The following ZNF618 variants were observed in gnomAD, a reference collection of about 807,000 sequenced individuals.
The protein encoded by ZNF618 is zinc finger protein 618, also known as neural precursor cell expressed, developmentally down-regulated 10.
A neutral mutation model predicts 103.0 loss-of-function variants in ZNF618; 34 were observed. The ratio of observed to expected loss-of-function variants is 0.33; its 90% CI spans 0.25 to 0.44. The LOEUF is 0.44. Ranked by LOEUF, ZNF618 falls within the 20% of genes least tolerant of loss-of-function variation. The pLI is 1.00. For missense variants in ZNF618, 1,059 were observed against 1,295.4 expected (o/e 0.82, Z 2.80); for synonymous variants, 551 against 542.2 (o/e 1.02, Z -0.23).
At chr9:113,938,839 G>A (rs1299473412) in intron 1 of ZNF618, among the ~76,000 whole-genome samples, 1 of 152,052 alleles carries the variant, frequency 6.6e-6, no homozygotes, top group Middle Eastern at 3.2e-3. Context: ...CGAAGTGCTG[G>A]GATTACAGGT....
chr9:114,004,311 CT>C (rs1841530371), intron 6 of ZNF618, among the ~76,000 whole-genome samples: 1 of 152,214 alleles, frequency 6.6e-6, no homozygotes, highest in African/African-American at 2.4e-5. Context: ...GAGCTGGGCC[CT>C]CCCCCTCCAG....
chr9:113,928,203 G>T (rs1833268523), intron 1 of ZNF618, among the ~76,000 whole-genome samples: 1 of 152,140 alleles, frequency 6.6e-6, no homozygotes, highest in Non-Finnish European at 1.5e-5. Flanking sequence ...CTACTGATGA[G>T]CTCATTAAAG....
Position 114,051,110 on chromosome 9 carries a change from T to C in ZNF618, c.*943T>C, listed in dbSNP as rs1212614244. 1 of 152,638 alleles carries C rather than the reference T, an allele frequency of 6.6e-6. No homozygotes were observed. The highest frequency in any genetic ancestry group is 1.5e-5 in the Non-Finnish European group (1 of 68,032). 9.5% of individuals were successfully genotyped at this position (152,638 alleles called of 1,614,324 possible). A position where few individuals can be genotyped will look rare whatever the true frequency, so the allele number is the denominator to read the frequency against. On this transcript the variant is annotated 3_prime_UTR_variant, in exon 15 of 15. Coordinates refer to ENST00000374126, the MANE Select transcript of ZNF618 (RefSeq NM_001318042.2). ...TTGTTTGGGGGTTCATTTTGTTTCT[T>C]CAGATTTGATTTAGACTCTGCTAGG...
At chr9:113,892,589 A>G (rs1829708942) in intron 1 of ZNF618, among the ~76,000 whole-genome samples, 1 of 152,246 alleles carries the variant, frequency 6.6e-6, no homozygotes, top group Admixed American at 6.5e-5. Flanking sequence ...TGCAAGAAAT[A>G]TTTATGTCTT....
chr9:113,989,917 C>T (rs1040708092), intron 3 of ZNF618, among the ~76,000 whole-genome samples: 5 of 152,232 alleles, frequency 3.3e-5, no homozygotes, highest in Non-Finnish European at 5.9e-5. Context: ...TTGGCCAAAA[C>T]AGAACACCGA....
At position 113,955,172 on chromosome 9, in the gene ZNF618, G is replaced by A. The variant is rs114076931; in HGVS notation, c.34-13945G>A. ...TTTTTTTTTTTTTTTTGTCTATCCT[G>A]GACCCTGAAGGCTATTCCCAAATCA... On this transcript the variant is annotated intron_variant, in intron 1 of 14. Transcript: ENST00000374126. 6.5e-3 allele frequency among the ~76,000 whole-genome samples: 904 copies of A among 139,992 alleles called. 11 individuals carry two copies. The highest frequency in any genetic ancestry group is 0.023 in the African/African-American group (843 of 36,834). 91.8% of individuals were successfully genotyped at this position (139,992 alleles called of 152,430 possible).
chr9:114,024,905 C>T (rs1843370690), intron 10 of ZNF618, among the ~76,000 whole-genome samples: 1 of 152,140 alleles, frequency 6.6e-6, no homozygotes, highest in Non-Finnish European at 1.5e-5. Context: ...TTCTAGCCAC[C>T]TCAAAAGCCC....
At chr9:113,887,384 C>T (rs551360901) in intron 1 of ZNF618, among the ~76,000 whole-genome samples, 1 of 152,324 alleles carries the variant, frequency 6.6e-6, no homozygotes, top group Admixed American at 6.5e-5. Context: ...GCAAATCCAA[C>T]AAGATGAGCA....
chr9:113,960,475 CAGAG>C (rs1439462204), intron 1 of ZNF618, among the ~76,000 whole-genome samples: 2 of 152,174 alleles, frequency 1.3e-5, no homozygotes. Flanking sequence ...GGCTGCCTAT[CAGAG>C]AGAGAAGAAT....
chr9:114,002,827 C>T (rs1416740686), intron 6 of ZNF618, among the ~76,000 whole-genome samples, 165 bp downstream of exon 6: 2 of 152,228 alleles, frequency 1.3e-5, no homozygotes, highest in African/African-American at 4.8e-5. Context: ...AACCGCAATG[C>T]GGTACCTCAG....
intron 1 of ZNF618, among the ~76,000 whole-genome samples, chr9:113,941,618 C>T (rs1834555401): frequency 6.6e-6 from 1 of 152,162 alleles, no homozygotes; most frequent in Non-Finnish European, 1.5e-5. Context: ...GTAGCTGCTG[C>T]AGTCTTGTCT....
chr9:113,904,322 T>G (rs1202679509), intron 1 of ZNF618, among the ~76,000 whole-genome samples: 1 of 152,132 alleles, frequency 6.6e-6, no homozygotes, highest in East Asian at 1.9e-4. Context: ...TTTTTTTTCC[T>G]CTACCTTCCT....
intron 1 of ZNF618, among the ~76,000 whole-genome samples, chr9:113,902,247 G>T (rs929637490): frequency 6.6e-6 from 1 of 152,154 alleles, no homozygotes; most frequent in African/African-American, 2.4e-5. Context: ...GTCAGGGGCT[G>T]GTTCAGAGAA....
chr9:113,905,357 GC>G (rs1246311509), intron 1 of ZNF618, among the ~76,000 whole-genome samples: 2 of 152,182 alleles, frequency 1.3e-5, no homozygotes, highest in Non-Finnish European at 2.9e-5. Context: ...GCCTTGTTCA[GC>G]AAGACCAGAG....
chr9:113,878,889 A>G (rs1352699304), intron 1 of ZNF618, among the ~76,000 whole-genome samples: 1 of 152,184 alleles, frequency 6.6e-6, no homozygotes, highest in Non-Finnish European at 1.5e-5. Context: ...AATATATTTG[A>G]CAATGGCAGA....
intron 1 of ZNF618, among the ~76,000 whole-genome samples, chr9:113,920,647 C>T (rs1832559400): frequency 6.6e-6 from 1 of 152,184 alleles, no homozygotes; most frequent in Admixed American, 6.5e-5. Flanking sequence ...GCTGATCTGC[C>T]TGCCTTGGCC....
chr9:113,994,434 G>A (rs1479802837), intron 3 of ZNF618, among the ~76,000 whole-genome samples: 1 of 152,226 alleles, frequency 6.6e-6, no homozygotes, highest in African/African-American at 2.4e-5. Flanking sequence ...CCTCCCAGGC[G>A]CGTCCTGTCT....
chr9:113,990,700 C>T (rs115045069), intron 3 of ZNF618, among the ~76,000 whole-genome samples: 190 of 152,260 alleles, frequency 1.2e-3, no homozygotes, highest in African/African-American at 4.2e-3. Flanking sequence ...GTGTTAATTC[C>T]GCTCACAGTC....
At chr9:113,997,655 T>C (rs577505785) in intron 3 of ZNF618, among the ~76,000 whole-genome samples, 2 of 152,356 alleles carry the variant, frequency 1.3e-5, no homozygotes, top group Non-Finnish European at 2.9e-5. Flanking sequence ...ACAGCTGCCC[T>C]AGCCTCTGCT....
Sources: gnomAD v4.1 joint callset for allele counts (sites outside exome capture counted in the v4.1 genomes callset) on GRCh38, gnomAD v4.1.1 for gene constraint, MANE v1.5 for transcripts, NCBI Gene and HGNC (gene_info 2026-07-23, HGNC 2026-07-21) for gene names.